Variants in LRP1B observed in about 807,000 individuals in gnomAD.
The protein encoded by LRP1B is LDL receptor related protein 1B.
A neutral mutation model predicts 556.6 loss-of-function variants in LRP1B; 217 were observed. The ratio of observed to expected loss-of-function variants is 0.39; its 90% CI spans 0.35 to 0.44. The LOEUF (loss-of-function observed/expected upper bound fraction) is 0.44. Among genes scored for constraint, LRP1B ranks in the 20% least tolerant of loss-of-function variants. The probability of loss-of-function intolerance (pLI) is 1.00; values close to 1 mark genes in which losing one functional copy is unlikely to be tolerated. For missense variants in LRP1B, 5,053 were observed against 5,620.8 expected, an observed-to-expected ratio of 0.90 and a Z score of 3.23; for synonymous variants, 2,047 against 1,865.8, an observed-to-expected ratio of 1.10 and a Z score of -2.50.
intron 88 of LRP1B, 102 bp from the exon 89 acceptor site, chr2:140,238,398 T>C (rs1016331649): frequency 5.0e-6 from 3 of 595,512 alleles, no homozygotes; most frequent in Middle Eastern, 4.6e-4. Flanking sequence ...TTGAAATAAA[T>C]TGAATAAATG....
intron 7 of LRP1B, among the ~76,000 whole-genome samples, chr2:141,140,431 A>G (rs1451145738): frequency 6.6e-6 from 1 of 152,180 alleles, no homozygotes; most frequent in Non-Finnish European, 1.5e-5. Context: ...GTGTTATCCC[A>G]AAATTTGAAT....
chr2:141,129,641 T>C (rs1026410919), intron 7 of LRP1B, among the ~76,000 whole-genome samples: 1 of 152,100 alleles, frequency 6.6e-6, no homozygotes, highest in Non-Finnish European at 1.5e-5. Context: ...AAATTGGATA[T>C]AAATCTGTAA....
intron 4 of LRP1B, among the ~76,000 whole-genome samples, chr2:141,249,952 A>G (rs992728651): frequency 6.6e-6 from 1 of 152,140 alleles, no homozygotes; most frequent in Non-Finnish European, 1.5e-5. Context: ...TTTTGTCCTC[A>G]TGACTTGGGA....
chr2:140,810,998 G>C (rs919626339), intron 32 of LRP1B, among the ~76,000 whole-genome samples: 1 of 152,048 alleles, frequency 6.6e-6, no homozygotes, highest in Non-Finnish European at 1.5e-5. Context: ...GCCTCACAAA[G>C]TGCTGGGATT....
intron 81 of LRP1B, among the ~76,000 whole-genome samples, chr2:140,323,495 C>CTAATGCTAAATGA (rs1680272960): frequency 6.6e-6 from 1 of 151,898 alleles, no homozygotes; most frequent in South Asian, 2.1e-4. Flanking sequence ...CTATTAACAC[C>CTAATGCTAAATGA]TAATGCTAAA....
intron 1 of LRP1B, among the ~76,000 whole-genome samples, chr2:142,074,254 C>T (rs1705422880): frequency 6.6e-6 from 1 of 152,016 alleles, no homozygotes; most frequent in Non-Finnish European, 1.5e-5. Context: ...ATTACCTTTC[C>T]TGGGTCCTCC....
intron 83 of LRP1B, among the ~76,000 whole-genome samples, chr2:140,303,012 C>CACATATATATAT (rs1386410889): frequency 1.2e-5 from 1 of 82,838 alleles, no homozygotes; most frequent in African/African-American, 4.2e-5. Flanking sequence ...AAATCTCCTT[C>CACATATATATAT]ATATATATAT....
chr2:142,053,416 C>G (rs1172855388), intron 1 of LRP1B, among the ~76,000 whole-genome samples: 1 of 152,014 alleles, frequency 6.6e-6, no homozygotes, highest in African/African-American at 2.4e-5. Flanking sequence ...AACTCTTAGA[C>G]TCCAACATTA....
At chr2:140,954,606 A>G (rs1695819828) in intron 18 of LRP1B, among the ~76,000 whole-genome samples, 1 of 151,996 alleles carries the variant, frequency 6.6e-6, no homozygotes, top group African/African-American at 2.4e-5. Context: ...TTAACACTAA[A>G]AAACAGTCAA....
At chr2:141,755,362 C>T (rs1369812924) in intron 2 of LRP1B, among the ~76,000 whole-genome samples, 3 of 151,796 alleles carry the variant, frequency 2.0e-5, no homozygotes, top group African/African-American at 7.3e-5. Context: ...TCATCAAAAA[C>T]CTTAAATCAA....
chr2:141,198,037 C>T (rs190699736), intron 6 of LRP1B, among the ~76,000 whole-genome samples: 241 of 152,148 alleles, frequency 1.6e-3, no homozygotes, highest in Non-Finnish European at 2.8e-3. Context: ...ATGAAGAAAC[C>T]TATTCCATTT....
chr2:140,491,259 T>C (rs1464365821), intron 57 of LRP1B, among the ~76,000 whole-genome samples: 4 of 152,152 alleles, frequency 2.6e-5, no homozygotes, highest in South Asian at 4.1e-4. Context: ...GTTAAACTTA[T>C]GGTTCAGCTG....
At position 140,660,037 on chromosome 2, in the gene LRP1B, A is replaced by T. The variant is rs185951146; in HGVS notation, c.6799+40213T>A. Among the ~76,000 whole-genome samples, 3 of 152,212 alleles carry T rather than the reference A, an allele frequency of 2.0e-5. No homozygotes were observed. In the East Asian group the frequency reaches 5.8e-4, roughly 29 times the overall value. ...CCAGCCATTATTTAAATTAATGCTT[A>T]CTTTTATCAATGTGATACATGCTTA... On this transcript the variant is annotated intron_variant, in intron 41 of 90. Transcript: ENST00000389484.
chr2:140,285,650 ATAAT>A (rs1370724205), intron 84 of LRP1B, among the ~76,000 whole-genome samples: 1 of 151,768 alleles, frequency 6.6e-6, no homozygotes, highest in Non-Finnish European at 1.5e-5. Flanking sequence ...GACTTTCATA[ATAAT>A]TCAAAGGTTT....
chr2:141,749,004 A>T (rs1694008986), intron 2 of LRP1B, among the ~76,000 whole-genome samples: 1 of 152,196 alleles, frequency 6.6e-6, no homozygotes, highest in Non-Finnish European at 1.5e-5. Flanking sequence ...TTCAGACTTA[A>T]TTTTATTTGT....
rs376204148 is a variant in LRP1B at position 140,736,915 on chromosome 2, G to A, written c.5759-20099C>T. The stretch of plus-strand genomic sequence containing the variant: ...GAAACCAAAAGGCCGTAACTACCAT[G>A]ACTGGCAAGGTTGAAGGAACGTCGA... On this transcript the variant is annotated intron_variant, in intron 35 of 90. Transcript: ENST00000389484. Among the ~76,000 whole-genome samples, 29 of 152,226 alleles carry A rather than the reference G, an allele frequency of 1.9e-4. No individual in the cohort carries two copies. The East Asian group carries it at 4.6e-3, about 24-fold the overall frequency.
chr2:141,700,848 C>A (rs1261321462), intron 2 of LRP1B, among the ~76,000 whole-genome samples: 2 of 151,838 alleles, frequency 1.3e-5, no homozygotes, highest in East Asian at 3.9e-4. Flanking sequence ...AAGGAAAAAA[C>A]ATTCTGATAA....
intron 1 of LRP1B, among the ~76,000 whole-genome samples, chr2:142,034,626 C>T (rs571672762): frequency 6.6e-6 from 1 of 151,834 alleles, no homozygotes; most frequent in African/African-American, 2.4e-5. Context: ...GTGATTATTG[C>T]TTTTTGAATT....
chr2:140,317,067 A>G (rs897440593), intron 82 of LRP1B, among the ~76,000 whole-genome samples: 2 of 152,138 alleles, frequency 1.3e-5, no homozygotes, highest in African/African-American at 4.8e-5. Context: ...GAGGAAATGA[A>G]TGAAAGTTAC....
Sources: gnomAD v4.1 joint callset for allele counts (sites outside exome capture counted in the v4.1 genomes callset) on GRCh38, gnomAD v4.1.1 for gene constraint, MANE v1.5 for transcripts, NCBI Gene and HGNC (gene_info 2026-07-23, HGNC 2026-07-21) for gene names.